The following MYBL1 variants were observed in gnomAD, a reference collection of about 807,000 sequenced individuals.
MYBL1 encodes MYB proto-oncogene like 1.
Under a neutral mutation model 96.3 loss-of-function variants are expected in MYBL1, and 17 were observed. That is an observed-to-expected ratio of 0.18 (90% CI 0.12 to 0.26). The LOEUF is 0.26. Ranked by LOEUF, MYBL1 falls within the 10% of genes least tolerant of loss-of-function variation. The pLI is 1.00. For missense variants in MYBL1, 701 were observed against 882.9 expected, an observed-to-expected ratio of 0.79 and a Z score of 2.61; for synonymous variants, 282 against 292.7, an observed-to-expected ratio of 0.96 and a Z score of 0.37.
intron 8 of MYBL1, among the ~76,000 whole-genome samples, chr8:66,585,797 T>C (rs904118643): frequency 5.3e-5 from 8 of 152,030 alleles, no homozygotes; most frequent in Non-Finnish European, 1.0e-4. Flanking sequence ...TGGGCAAAAA[T>C]TTTATGGGGA....
At chr8:66,589,507 G>T (rs1809553080) in intron 8 of MYBL1, among the ~76,000 whole-genome samples, 1 of 151,976 alleles carries the variant, frequency 6.6e-6, no homozygotes, top group Non-Finnish European at 1.5e-5. Context: ...TTAAGATGGG[G>T]TCTTGCTCTG....
Position 66,599,133 on chromosome 8 carries a change from C to T in MYBL1, c.208G>A (p.Asp70Asn). ...TGCCATCGATGCTGGCACTGAAAAT[C>T]AGAGCGATTCTGAAAAAATTTAGAA... The part of the protein sequence containing the change: ...LIASHLQNRS[D>N]FQCQHRWQKV... Residue 70 changes from aspartate to asparagine, a missense_variant, in exon 4 of 16, where the codon GAT (aspartate) becomes AAT (asparagine). This residue lies in a region of MYBL1 where 68 missense variants were observed against 93.8 expected (regional missense o/e 0.72). Coordinates refer to ENST00000522677, the MANE Select transcript of MYBL1 (RefSeq NM_001080416.4). 6.3e-7 allele frequency: 1 copy of T among 1,581,104 alleles called. No homozygotes were observed. The highest frequency in any genetic ancestry group is 8.6e-7 in the Non-Finnish European group (1 of 1,166,558).
At chr8:66,601,444 T>C (rs1461549420) in intron 3 of MYBL1, among the ~76,000 whole-genome samples, 2 of 152,130 alleles carry the variant, frequency 1.3e-5, no homozygotes, top group Admixed American at 6.5e-5. Flanking sequence ...AGGTCCCACA[T>C]ACATTTATTA....
chr8:66,608,815 A>G (rs940238494), intron 1 of MYBL1, among the ~76,000 whole-genome samples: 9 of 152,126 alleles, frequency 5.9e-5, no homozygotes, highest in African/African-American at 2.2e-4. Flanking sequence ...GCCTAGTGTA[A>G]TTATCTAGAA....
In MYBL1 at chr8:66,563,466, CT is replaced by C. The variant is rs1808394106; in HGVS notation, c.*1230del. ...AAGTGCAAACACCTAAAACAGGCAA[CT>C]GAAGCAACTGTTGTAACCTGTAGAG... On this transcript the variant is annotated 3_prime_UTR_variant, in exon 16 of 16. Transcript: ENST00000522677. 1 of 152,428 alleles carries C rather than the reference CT, an allele frequency of 6.6e-6. No individual in the cohort carries two copies. Among genetic ancestry groups the C allele is most frequent in the African/African-American group, 2.4e-5 (1 of 41,394 alleles). 9.4% of individuals were successfully genotyped at this position (152,428 alleles called of 1,614,324 possible). A position where few individuals can be genotyped will look rare whatever the true frequency, so the allele number is the denominator to read the frequency against.
rs1252378779 is a variant in MYBL1 at position 66,595,657 on chromosome 8, A to G, written c.613T>C (p.Ser205Pro). 2 of 1,589,220 alleles carry G rather than the reference A, an allele frequency of 1.3e-6. No individual in the cohort carries two copies. The highest frequency in any genetic ancestry group is 8.6e-7 in the Non-Finnish European group (1 of 1,166,432). Residue 205 changes from serine (S) to proline (P), a missense_variant, in exon 6 of 16, where the codon TCT (serine) becomes CCT (proline). This residue lies in a region of MYBL1 where 396 missense variants were observed against 407.4 expected (regional missense o/e 0.97). Coordinates refer to ENST00000522677, the MANE Select transcript of MYBL1 (RefSeq NM_001080416.4). The stretch of plus-strand genomic sequence containing the variant: ...GCACAAGGTTTGTGTTGAAGTTTAG[A>G]TGAAGATCGTTCTGATTTTATTCCA... ...QDGIKSERSSSKLQHKPCAAM... is the reference protein window; with the variant it reads ...QDGIKSERSSPKLQHKPCAAM...
intron 5 of MYBL1, among the ~76,000 whole-genome samples, chr8:66,596,496 C>T (rs1171283917): frequency 1.3e-5 from 2 of 152,020 alleles, no homozygotes; most frequent in East Asian, 1.9e-4. Context: ...AGTAAGAAGA[C>T]GTATAAGAGA....
At chr8:66,607,872 C>T (rs1432215248) in intron 1 of MYBL1, among the ~76,000 whole-genome samples, 1 of 152,118 alleles carries the variant, frequency 6.6e-6, no homozygotes, top group Admixed American at 6.6e-5. Flanking sequence ...CCCCAAATAG[C>T]CCTCAGGCAT....
At chr8:66,607,811 CTGTT>C (rs1810381517) in intron 1 of MYBL1, among the ~76,000 whole-genome samples, 1 of 151,920 alleles carries the variant, frequency 6.6e-6, no homozygotes. Context: ...ATCTACTGTA[CTGTT>C]TAACCTTTCT....
chr8:66,569,261 C>T (rs1016522948), intron 12 of MYBL1, among the ~76,000 whole-genome samples: 2 of 151,640 alleles, frequency 1.3e-5, no homozygotes, highest in African/African-American at 4.8e-5. Context: ...CCAGCTCTAT[C>T]CATGTCCTTG....
Position 66,576,227 on chromosome 8 carries a change from C to A in MYBL1, c.1250G>T (p.Gly417Val). 1 of 1,613,788 alleles carries A rather than the reference C, an allele frequency of 6.2e-7. No homozygotes were observed. The highest frequency in any genetic ancestry group is 8.5e-7 in the Non-Finnish European group (1 of 1,179,818). The change falls in exon 10 of 16, where the codon GGG becomes GTG. Residue 417 changes from glycine (G) to valine (V), a missense_variant. Physicochemically the swap from Gly to Val is moderately radical, Grantham distance 109. Coordinates refer to ENST00000522677, the MANE Select transcript of MYBL1 (RefSeq NM_001080416.4). ...CQFNVSLVLE[G>V]KKNTCNGGNS... ...GCCACCATTACAAGTGTTTTTTTTC[C>A]CTTCAAGTACAAGACTGACGTTAAA...
chr8:66,564,725 C>T lies in MYBL1; in HGVS notation c.2231G>A (p.Ser744Asn). 1 of 1,583,266 alleles carries T rather than the reference C, an allele frequency of 6.3e-7. No homozygotes were observed. The highest frequency in any genetic ancestry group is 8.6e-7 in the Non-Finnish European group (1 of 1,161,958). ...CAGTATGAGAGCTCTTGAAGTACTACTGGTAGCTGTGTAAGTACTCAGATA... is the reference window on the plus strand; with the variant it reads ...CAGTATGAGAGCTCTTGAAGTACTATTGGTAGCTGTGTAAGTACTCAGATA... ...RRYLSTYTAT[S>N]STSRALIL Residue 744 changes from serine to asparagine, a missense_variant, in exon 16 of 16, where the codon AGT (serine) becomes AAT (asparagine). Ser to Asn is a conservative substitution (Grantham distance 46). Around this residue, in one of 5 missense-constraint regions of MYBL1, gnomAD observed 137 missense variants for 137.5 expected, o/e 1.00. Transcript: ENST00000522677.
At position 66,576,084 on chromosome 8, in the gene MYBL1, C is replaced by T. The variant is rs776420724; in HGVS notation, c.1393G>A (p.Asp465Asn). The change falls in exon 10 of 16, where the codon GAT (aspartate) becomes AAT (asparagine). Residue 465 changes from aspartate (D) to asparagine (N), a missense_variant. Around this residue, in one of 5 missense-constraint regions of MYBL1, gnomAD observed 396 missense variants for 407.4 expected, o/e 0.97. Coordinates refer to ENST00000522677, the MANE Select transcript of MYBL1 (RefSeq NM_001080416.4). ...TTACCACCATCGTTCAATGAGCCATCCCTAAGTTCGCTGCCTGGGGAATGA... is the reference window on the plus strand; with the variant it reads ...TTACCACCATCGTTCAATGAGCCATTCCTAAGTTCGCTGCCTGGGGAATGA... ...VGHSPGSELR[D>N]GSLNDGGNMA... The T allele has an allele frequency of 6.2e-7, 1 of 1,613,946 alleles. No individual in the cohort carries two copies.
intron 5 of MYBL1, among the ~76,000 whole-genome samples, chr8:66,596,763 G>C (rs1228988148): frequency 6.6e-6 from 1 of 152,142 alleles, no homozygotes; most frequent in African/African-American, 2.4e-5. Context: ...AACGCTATTA[G>C]AAAACATATG....
At chr8:66,610,344 C>T (rs1020471215) in intron 1 of MYBL1, among the ~76,000 whole-genome samples, 1 of 151,682 alleles carries the variant, frequency 6.6e-6, no homozygotes, top group Non-Finnish European at 1.5e-5. Context: ...ATCAAAACAG[C>T]TAACATCCTG....
rs1378010115 is a variant in MYBL1 at position 66,576,279 on chromosome 8, G to C, written c.1198C>G (p.His400Asp). The change falls in exon 10 of 16, where the codon CAC becomes GAC. Residue 400 changes from histidine (H) to aspartate (D), a missense_variant. This residue lies in a region of MYBL1 where 396 missense variants were observed against 407.4 expected (regional missense o/e 0.97). Coordinates refer to ENST00000522677, the MANE Select transcript of MYBL1 (RefSeq NM_001080416.4). ...STPVKLMRIQ[H>D]NEGAMECQFN... is the part of the protein sequence containing the mutation. ...TGGCATTCCATGGCTCCTTCATTGT[G>C]CTGAATTCTCATTAATTTAACTGGG... 14 of 1,613,834 alleles carry C rather than the reference G, an allele frequency of 8.7e-6. No individual in the cohort carries two copies. Among genetic ancestry groups the C allele is most frequent in the Non-Finnish European group, 1.2e-5 (14 of 1,179,896 alleles).
chr8:66,592,523 G>C lies in MYBL1; in HGVS notation c.784C>G (p.Pro262Ala), dbSNP rs757350673. 6.3e-7 allele frequency: 1 copy of C among 1,594,218 alleles called. No homozygotes were observed. Among genetic ancestry groups the C allele is most frequent in the East Asian group, 2.3e-5 (1 of 44,374 alleles). ...TCCTTTATTTTCTTTTCCTTATCAGGATCTTCATCAATGAAGGGTTGCTAA... is the reference window on the plus strand; with the variant it reads ...TCCTTTATTTTCTTTTCCTTATCAGCATCTTCATCAATGAAGGGTTGCTAA... ...FIQQPFIDED[P>A]DKEKKIKELE... The change falls in exon 8 of 16, where the codon CCT becomes GCT. Residue 262 changes from proline (P) to alanine (A), a missense_variant. Pro to Ala is a conservative substitution (Grantham distance 27). Coordinates refer to ENST00000522677, the MANE Select transcript of MYBL1 (RefSeq NM_001080416.4).
At chr8:66,602,312 A>G in intron 2 of MYBL1, 106 bp downstream of exon 2, 1 of 639,058 alleles carries the variant, frequency 1.6e-6, no homozygotes, top group Non-Finnish European at 2.5e-6. Context: ...CGGCCTCCCA[A>G]AGGGCTGGGA....
At chr8:66,595,483 C>CT (rs1452598039) in intron 6 of MYBL1, 100 bp downstream of exon 6, 1 of 582,838 alleles carries the variant, frequency 1.7e-6, no homozygotes, top group East Asian at 3.4e-5. Flanking sequence ...CTATTTACCC[C>CT]TTAATACGCA....
Sources: gnomAD v4.1 joint callset for allele counts (sites outside exome capture counted in the v4.1 genomes callset) on GRCh38, gnomAD v4.1.1 for gene constraint, gnomAD v4.1.1 regional missense constraint, MANE v1.5 for transcripts, NCBI Gene and HGNC (gene_info 2026-07-23, HGNC 2026-07-21) for gene names.